The following CA10 variants were observed in gnomAD, a reference collection of about 807,000 sequenced individuals.
CA10 encodes the protein carbonic anhydrase-related protein 10.
A neutral mutation model predicts 44.2 loss-of-function variants in CA10; 14 were observed. That is an observed-to-expected ratio of 0.32 (90% CI 0.21 to 0.50). The LOEUF (loss-of-function observed/expected upper bound fraction) is 0.50. Among genes scored for constraint, CA10 ranks in the 20% least tolerant of loss-of-function variants. The probability of loss-of-function intolerance (pLI) is 0.99; values close to 1 mark genes in which losing one functional copy is unlikely to be tolerated. For missense variants in CA10, 350 were observed against 409.7 expected (o/e 0.85, Z 1.26); for synonymous variants, 159 against 141.6 (o/e 1.12, Z -0.87).
chr17:51,878,394 C>T (rs934592784), intron 3 of CA10, among the ~76,000 whole-genome samples: 12 of 151,972 alleles, frequency 7.9e-5, no homozygotes, highest in Non-Finnish European at 1.5e-4. Flanking sequence ...CTTGGCAAGA[C>T]GCAGAAAAAC....
At chr17:51,700,670 C>T (rs1052719806) in intron 4 of CA10, among the ~76,000 whole-genome samples, 1 of 152,206 alleles carries the variant, frequency 6.6e-6, no homozygotes, top group African/African-American at 2.4e-5. Context: ...TAATCCTTCT[C>T]ACCTGTTCTC....
intron 4 of CA10, among the ~76,000 whole-genome samples, chr17:51,719,935 G>C (rs1168083178): frequency 6.6e-6 from 1 of 152,170 alleles, no homozygotes; most frequent in African/African-American, 2.4e-5. Flanking sequence ...AGGAGGCAAT[G>C]AAGTGGGCTT....
intron 3 of CA10, among the ~76,000 whole-genome samples, chr17:51,814,832 C>T (rs977423420): frequency 5.9e-5 from 9 of 152,136 alleles, no homozygotes; most frequent in African/African-American, 2.2e-4. Context: ...CCACTCCAAC[C>T]CCCATTAAAT....
intron 6 of CA10, among the ~76,000 whole-genome samples, chr17:51,638,706 C>T (rs1387355141): frequency 6.6e-6 from 1 of 152,160 alleles, no homozygotes; most frequent in East Asian, 1.9e-4. Flanking sequence ...ATGACAGAGA[C>T]AATGACATAA....
intron 3 of CA10, among the ~76,000 whole-genome samples, chr17:51,757,605 C>T (rs1905110637): frequency 6.6e-6 from 1 of 152,208 alleles, no homozygotes; most frequent in Non-Finnish European, 1.5e-5. Flanking sequence ...AATACTGACT[C>T]AAAGTTAGAA....
chr17:51,959,668 T>C (rs1249266751), intron 2 of CA10, among the ~76,000 whole-genome samples: 1 of 151,928 alleles, frequency 6.6e-6, no homozygotes, highest in African/African-American at 2.4e-5. Flanking sequence ...GGTATGTGTG[T>C]GTGGAGCAGA....
chr17:52,051,442 T>C (rs558475636), intron 2 of CA10, among the ~76,000 whole-genome samples: 1 of 150,260 alleles, frequency 6.7e-6, no homozygotes, highest in East Asian at 2.0e-4. Flanking sequence ...ATAACTTAAA[T>C]TCACAAGAAA....
At chr17:52,101,605 T>A (rs1358676766) in intron 1 of CA10, among the ~76,000 whole-genome samples, 1 of 152,186 alleles carries the variant, frequency 6.6e-6, no homozygotes, top group Non-Finnish European at 1.5e-5. Flanking sequence ...TTGAAGACCA[T>A]CCATTTCACC....
intron 3 of CA10, among the ~76,000 whole-genome samples, chr17:51,832,129 C>T (rs1908305724): frequency 6.6e-6 from 1 of 152,158 alleles, no homozygotes; most frequent in Non-Finnish European, 1.5e-5. Context: ...TTCCACACCC[C>T]CAGTGCCACC....
chr17:51,632,235 T>C (rs138840465), intron 8 of CA10, among the ~76,000 whole-genome samples: 284 of 152,186 alleles, frequency 1.9e-3, no homozygotes, highest in Non-Finnish European at 3.1e-3. Flanking sequence ...TTGTAGACCA[T>C]ATGCTCTGTT....
intron 4 of CA10, among the ~76,000 whole-genome samples, chr17:51,695,137 A>G (rs983785417): frequency 4.6e-5 from 7 of 151,992 alleles, no homozygotes; most frequent in Non-Finnish European, 4.4e-5. Context: ...TTGGCTACTC[A>G]TGTTCTTTTT....
At chr17:51,782,988 A>G (rs1352878288) in intron 3 of CA10, among the ~76,000 whole-genome samples, 1 of 152,102 alleles carries the variant, frequency 6.6e-6, no homozygotes, top group Non-Finnish European at 1.5e-5. Context: ...AAAAATCTCC[A>G]TTTTGCATAA....
intron 1 of CA10, among the ~76,000 whole-genome samples, chr17:52,108,216 ATATATATATAATATG>A (rs1988710164): frequency 9.5e-6 from 1 of 105,638 alleles, no homozygotes. Flanking sequence ...ATATATATAT[ATATATATATAATATG>A]TATATGATGG....
chr17:52,156,560 G>C (rs1186704127), intron 1 of CA10, among the ~76,000 whole-genome samples: 1 of 152,186 alleles, frequency 6.6e-6, no homozygotes, highest in Non-Finnish European at 1.5e-5. Flanking sequence ...GCAGAACTAG[G>C]GTTGTTTTCT....
At chr17:51,757,513 T>TAGAAA (rs1905108809) in intron 3 of CA10, among the ~76,000 whole-genome samples, 1 of 152,224 alleles carries the variant, frequency 6.6e-6, no homozygotes, top group African/African-American at 2.4e-5. Flanking sequence ...CACTGAGTGT[T>TAGAAA]TCTTGCTTTA....
chr17:51,855,698 T>C (rs750222485), intron 3 of CA10, among the ~76,000 whole-genome samples: 2 of 152,220 alleles, frequency 1.3e-5, no homozygotes, highest in Admixed American at 6.5e-5. Context: ...CTCTTCAACA[T>C]TCATGGAGCT....
intron 1 of CA10, among the ~76,000 whole-genome samples, chr17:52,098,740 ATAGAGAAGGTATACC>A: frequency 6.6e-6 from 1 of 152,200 alleles, no homozygotes; most frequent in Non-Finnish European, 1.5e-5. Context: ...GGGCCAGTCC[ATAGAGAAGGTATACC>A]TAGCATGCAT....
At chr17:51,799,275 A>G (rs1174924291) in intron 3 of CA10, among the ~76,000 whole-genome samples, 1 of 152,208 alleles carries the variant, frequency 6.6e-6, no homozygotes, top group Non-Finnish European at 1.5e-5. Flanking sequence ...ATAAACCCCC[A>G]GTGGCAGATA....
At chr17:51,639,991 T>C (rs550434084) in intron 6 of CA10, among the ~76,000 whole-genome samples, 21 of 152,258 alleles carry the variant, frequency 1.4e-4, no homozygotes, top group Non-Finnish European at 2.5e-4. Context: ...CTGGAATAAC[T>C]ACTGCTCCTC....
Sources: gnomAD v4.1 joint callset for allele counts (sites outside exome capture counted in the v4.1 genomes callset) on GRCh38, gnomAD v4.1.1 for gene constraint, MANE v1.5 for transcripts, NCBI Gene and HGNC (gene_info 2026-07-23, HGNC 2026-07-21) for gene names.